The following CACNA2D3 variants were observed in gnomAD, a reference collection of about 807,000 sequenced individuals.
The protein encoded by CACNA2D3 is voltage-dependent calcium channel subunit alpha-2/delta-3.
A neutral mutation model predicts 160.6 loss-of-function variants in CACNA2D3; 60 were observed. That is an observed-to-expected ratio of 0.37 (90% CI 0.30 to 0.46). The LOEUF (loss-of-function observed/expected upper bound fraction) is 0.46, where lower values mean the gene tolerates loss of function less well. Ranked by LOEUF, CACNA2D3 falls within the 20% of genes least tolerant of loss-of-function variation. CACNA2D3 has a pLI of 1.00. For synonymous variants in CACNA2D3, 558 were observed against 492.9 expected (o/e 1.13, Z -1.75); for missense variants, 1,205 against 1,365.0 (o/e 0.88, Z 1.85).
intron 2 of CACNA2D3, among the ~76,000 whole-genome samples, chr3:54,252,218 A>G (rs566563410): frequency 2.2e-4 from 33 of 150,352 alleles, no homozygotes; most frequent in African/African-American, 8.1e-4. Context: ...TGGGCTAGTG[A>G]TTAGATTGTC....
intron 5 of CACNA2D3, among the ~76,000 whole-genome samples, chr3:54,562,431 G>C (rs1455820470): frequency 1.3e-5 from 2 of 152,188 alleles, no homozygotes; most frequent in Non-Finnish European, 2.9e-5. Flanking sequence ...TTAATGCCGA[G>C]TTTTGGCTCC....
chr3:54,892,906 T>A (rs1198556946), intron 25 of CACNA2D3, among the ~76,000 whole-genome samples: 1 of 152,208 alleles, frequency 6.6e-6, no homozygotes, highest in Non-Finnish European at 1.5e-5. Context: ...CTGGCTTATC[T>A]CACTTGGGTA....
At chr3:54,986,661 A>T (rs1288613176) in intron 30 of CACNA2D3, among the ~76,000 whole-genome samples, 1 of 152,114 alleles carries the variant, frequency 6.6e-6, no homozygotes, top group African/African-American at 2.4e-5. Flanking sequence ...GTTGCAATGG[A>T]ATTGGGGTTT....
intron 13 of CACNA2D3, among the ~76,000 whole-genome samples, chr3:54,764,891 C>T (rs1055894143): frequency 5.3e-5 from 8 of 152,104 alleles, no homozygotes; most frequent in African/African-American, 9.7e-5. Flanking sequence ...ATTCTAAAGC[C>T]GAATTCTAAA....
chr3:54,969,643 A>G (rs1702228587), intron 28 of CACNA2D3, among the ~76,000 whole-genome samples, 157 bp from the exon 29 acceptor site: 1 of 152,196 alleles, frequency 6.6e-6, no homozygotes, highest in East Asian at 1.9e-4. Context: ...TAGACAAGAC[A>G]CATCATGGAG....
chr3:54,720,627 A>G (rs1198493152), intron 11 of CACNA2D3, among the ~76,000 whole-genome samples: 1 of 152,056 alleles, frequency 6.6e-6, no homozygotes, highest in Non-Finnish European at 1.5e-5. Flanking sequence ...ACTAATTGTA[A>G]TATTCAGATC....
chr3:55,018,430 G>T (rs1304016374), intron 35 of CACNA2D3, 113 bp downstream of exon 35: 3 of 655,498 alleles, frequency 4.6e-6, no homozygotes, highest in African/African-American at 1.8e-5. Context: ...AAACATGGCT[G>T]CCCTCTTGCG....
intron 2 of CACNA2D3, among the ~76,000 whole-genome samples, chr3:54,133,279 C>T (rs1699752656): frequency 1.3e-5 from 2 of 152,134 alleles, no homozygotes; most frequent in South Asian, 4.1e-4. Flanking sequence ...TCATCTGCAT[C>T]AGTTTTAGAG....
intron 2 of CACNA2D3, among the ~76,000 whole-genome samples, chr3:54,245,695 G>A (rs1477700429): frequency 2.6e-5 from 4 of 152,230 alleles, no homozygotes; most frequent in Non-Finnish European, 5.9e-5. Context: ...CCTTTGGGAA[G>A]GTCACACGAT....
At chr3:54,878,778 T>A (rs1310860447) in intron 18 of CACNA2D3, 1 of 350,930 alleles carries the variant, frequency 2.8e-6, no homozygotes, top group Non-Finnish European at 5.0e-6. Context: ...TCGCCAAGGC[T>A]CTTTTGTTAT....
intron 2 of CACNA2D3, among the ~76,000 whole-genome samples, chr3:54,303,128 T>C (rs7428562): frequency 0.24 from 36,276 of 152,040 alleles, 4,527 homozygotes; most frequent in South Asian, 0.34. Context: ...TGGTGTATAA[T>C]GACATGTGTG....
intron 2 of CACNA2D3, among the ~76,000 whole-genome samples, chr3:54,274,646 G>C (rs1046546551): frequency 6.6e-6 from 1 of 152,232 alleles, no homozygotes; most frequent in African/African-American, 2.4e-5. Flanking sequence ...TCAGGAGTCT[G>C]TATCCAGCTT....
intron 13 of CACNA2D3, among the ~76,000 whole-genome samples, chr3:54,808,262 C>G (rs1166243616): frequency 1.3e-5 from 2 of 151,848 alleles, no homozygotes; most frequent in Admixed American, 6.6e-5. Context: ...CCAGATGCCC[C>G]AATAGCTTAT....
At chr3:54,208,826 A>G (rs1701320098) in intron 2 of CACNA2D3, among the ~76,000 whole-genome samples, 2 of 151,982 alleles carry the variant, frequency 1.3e-5, no homozygotes, top group Admixed American at 1.3e-4. Context: ...CATGCTGCTG[A>G]TAAATACATA....
At chr3:54,615,560 G>A (rs1351829152) in intron 9 of CACNA2D3, among the ~76,000 whole-genome samples, 1 of 152,196 alleles carries the variant, frequency 6.6e-6, no homozygotes, top group Non-Finnish European at 1.5e-5. Flanking sequence ...ATCACAATGA[G>A]TAGATCTTAA....
chr3:54,990,966 AC>A (rs1702727451), intron 31 of CACNA2D3, among the ~76,000 whole-genome samples: 1 of 152,150 alleles, frequency 6.6e-6, no homozygotes, highest in African/African-American at 2.4e-5. Context: ...CTTTGACCTG[AC>A]TCTAGCCAGC....
intron 5 of CACNA2D3, among the ~76,000 whole-genome samples, chr3:54,533,600 G>T (rs1177914641): frequency 1.3e-5 from 2 of 152,094 alleles, no homozygotes; most frequent in Admixed American, 6.5e-5. Flanking sequence ...TTCCCAAAGT[G>T]CTGGGATTAC....
intron 4 of CACNA2D3, among the ~76,000 whole-genome samples, chr3:54,452,463 A>G (rs944306593): frequency 1.3e-5 from 2 of 152,218 alleles, no homozygotes; most frequent in Admixed American, 1.3e-4. Flanking sequence ...CTGTAAGATG[A>G]TAGTAGCTCT....
At chr3:54,352,398 C>T (rs1016526923) in intron 3 of CACNA2D3, among the ~76,000 whole-genome samples, 2 of 152,184 alleles carry the variant, frequency 1.3e-5, no homozygotes, top group African/African-American at 4.8e-5. Flanking sequence ...AGTATTATTA[C>T]CCCTACCAGA....
Sources: gnomAD v4.1 joint callset for allele counts (sites outside exome capture counted in the v4.1 genomes callset) on GRCh38, gnomAD v4.1.1 for gene constraint, MANE v1.5 for transcripts, NCBI Gene and HGNC (gene_info 2026-07-23, HGNC 2026-07-21) for gene names.